SLC15A2: variants seen among roughly 807,000 people sequenced by gnomAD.
SLC15A2 encodes the protein kidney H(+)/peptide cotransporter.
SLC15A2 carries 77 observed loss-of-function variants against 95.5 expected under a neutral mutation model. The ratio of observed to expected loss-of-function variants is 0.81; its 90% CI spans 0.67 to 0.97. The LOEUF (loss-of-function observed/expected upper bound fraction) is 0.97, where lower values mean the gene tolerates loss of function less well. SLC15A2 is among the 50% of genes least tolerant of loss of function. The pLI is 0.00. For synonymous variants in SLC15A2, 306 were observed against 306.9 expected (o/e 1.00, Z 0.03); for missense variants, 893 against 874.4 (o/e 1.02, Z -0.27).
At chr3:121,894,898 CTG>C (rs950417215) in intron 1 of SLC15A2, among the ~76,000 whole-genome samples, 4 of 152,172 alleles carry the variant, frequency 2.6e-5, no homozygotes, top group African/African-American at 9.7e-5. Context: ...GTCTGAAGAA[CTG>C]TGTGTGATTG....
At chr3:121,926,436 T>C (rs2689287) in intron 13 of SLC15A2, among the ~76,000 whole-genome samples, 67,463 of 151,616 alleles carry the variant, frequency 0.44, 15,491 homozygotes, top group East Asian at 0.69. Flanking sequence ...ATGTGACATG[T>C]CTGTTTCTCC....
intron 3 of SLC15A2, among the ~76,000 whole-genome samples, chr3:121,903,985 T>C (rs927737168): frequency 1.3e-5 from 2 of 152,256 alleles, no homozygotes; most frequent in Non-Finnish European, 2.9e-5. Flanking sequence ...TCCATGAGCA[T>C]GGAATGTTCT....
chr3:121,915,802 T>C (rs1332533127), intron 7 of SLC15A2, 109 bp downstream of exon 7: 1 of 750,226 alleles, frequency 1.3e-6, no homozygotes, highest in Admixed American at 1.9e-5. Context: ...ACACCAGGCC[T>C]ATTGGGTAAC....
At position 121,928,416 on chromosome 3, in the gene SLC15A2, C is replaced by G; in HGVS notation, c.1207-5C>G. 1 of 1,612,762 alleles carries G rather than the reference C, an allele frequency of 6.2e-7. No individual in the cohort carries two copies. The highest frequency in any genetic ancestry group is 8.5e-7 in the Non-Finnish European group (1 of 1,179,424). On this transcript the variant is annotated splice_polypyrimidine_tract_variant and splice_region_variant and intron_variant, in intron 14 of 21. Transcript: ENST00000489711. ...GTGATTCTGACATGTGTTCTTTGCT[C>G]TAAGGAAATGGCCCCAGCCCAGCCA...
chr3:121,933,633 T>G (rs1468788233), intron 19 of SLC15A2, among the ~76,000 whole-genome samples: 4 of 150,948 alleles, frequency 2.6e-5, no homozygotes, highest in Admixed American at 2.0e-4. Context: ...TGTAAATTTG[T>G]TTGAGTTCAT....
In SLC15A2 at chr3:121,927,599, A is replaced by G. The variant is rs530621220; in HGVS notation, c.1125-159A>G. The G allele has an allele frequency of 4.3e-5, 25 of 577,262 alleles. No homozygotes were observed. The South Asian group carries it at 5.2e-4, about 12-fold the overall frequency. The allele number at this position is 577,262 out of a possible 1,614,324, so 35.8% of individuals were successfully genotyped here. A position where few individuals can be genotyped will look rare whatever the true frequency, so the allele number is the denominator to read the frequency against. On this transcript the variant is annotated intron_variant, in intron 13 of 21. Coordinates refer to ENST00000489711, the MANE Select transcript of SLC15A2 (RefSeq NM_021082.4). ...CTGTAAAGCTACAGAACCATAAGCC[A>G]ATTAAACTTCTTTTCTTTATAAATT...
intron 18 of SLC15A2, among the ~76,000 whole-genome samples, chr3:121,931,371 CTTAAG>C (rs1195046052): frequency 1.3e-5 from 2 of 152,182 alleles, no homozygotes; most frequent in South Asian, 2.1e-4. Context: ...TCACATGGTA[CTTAAG>C]TTAACAAAAG....
chr3:121,932,964 A>G (rs972859231), intron 19 of SLC15A2, among the ~76,000 whole-genome samples: 1 of 150,980 alleles, frequency 6.6e-6, no homozygotes, highest in Non-Finnish European at 1.5e-5. Flanking sequence ...TCCTGTGTCC[A>G]TGTGATCTCA....
In SLC15A2 at chr3:121,941,103, C is replaced by G. The variant is rs1465132599; in HGVS notation, c.*96C>G. 9.3e-7 allele frequency: 1 copy of G among 1,079,830 alleles called. No individual in the cohort carries two copies. Among genetic ancestry groups the G allele is most frequent in the Non-Finnish European group, 1.3e-6 (1 of 757,200 alleles). The allele number at this position is 1,079,830 out of a possible 1,614,324, so 66.9% of individuals were successfully genotyped here. A position where few individuals can be genotyped will look rare whatever the true frequency, so the allele number is the denominator to read the frequency against. ...TTAGACAAGAGAGATAGCAGCATAT[C>G]AGAGCTGATCTCCTCCACCTTTCTC... On this transcript the variant is annotated 3_prime_UTR_variant, in exon 22 of 22. Transcript: ENST00000489711.
chr3:121,905,141 G>A (rs967988533), intron 3 of SLC15A2, among the ~76,000 whole-genome samples: 1 of 152,184 alleles, frequency 6.6e-6, no homozygotes, highest in Non-Finnish European at 1.5e-5. Flanking sequence ...TTGCATAGAG[G>A]TGTTTATAGT....
chr3:121,911,168 C>G (rs1207471697), intron 3 of SLC15A2, among the ~76,000 whole-genome samples: 1 of 152,190 alleles, frequency 6.6e-6, no homozygotes, highest in Non-Finnish European at 1.5e-5. Flanking sequence ...GAGAAAAACA[C>G]CTAAGGTCCA....
Position 121,942,268 on chromosome 3 carries a change from A to G in SLC15A2, c.*1261A>G, listed in dbSNP as rs1393013447. 1 of 152,192 alleles carries G rather than the reference A, an allele frequency of 6.6e-6. No individual in the cohort carries two copies. The highest frequency in any genetic ancestry group is 2.4e-5 in the African/African-American group (1 of 41,440). 9.4% of individuals were successfully genotyped at this position (152,192 alleles called of 1,614,324 possible). A position where few individuals can be genotyped will look rare whatever the true frequency, so the allele number is the denominator to read the frequency against. The stretch of plus-strand genomic sequence containing the variant: ...TGGTCATGAAAAAAAATTGAGAAAC[A>G]TTACCTCATACACAATGAATGAATC... On this transcript the variant is annotated 3_prime_UTR_variant, in exon 22 of 22. Coordinates refer to ENST00000489711, the MANE Select transcript of SLC15A2 (RefSeq NM_021082.4).
chr3:121,907,572 T>G (rs1049100909), intron 3 of SLC15A2, among the ~76,000 whole-genome samples: 1 of 152,232 alleles, frequency 6.6e-6, no homozygotes, highest in Non-Finnish European at 1.5e-5. Flanking sequence ...TTGATGCTAT[T>G]TCTTCCTTTT....
chr3:121,906,584 C>T (rs942507857), intron 3 of SLC15A2, among the ~76,000 whole-genome samples: 4 of 152,194 alleles, frequency 2.6e-5, no homozygotes, highest in East Asian at 1.9e-4. Flanking sequence ...CATTTGCTTG[C>T]CTGTAAAGGA....
chr3:121,908,032 C>T (rs1261572446), intron 3 of SLC15A2, among the ~76,000 whole-genome samples: 4 of 152,246 alleles, frequency 2.6e-5, no homozygotes, highest in African/African-American at 9.6e-5. Flanking sequence ...GCAGTGGGCT[C>T]TGCCCAGTTC....
rs1219043021 is a variant in SLC15A2, at chr3:121,942,176, G to A, written c.*1169G>A. 1.3e-5 allele frequency: 2 copies of A among 152,198 alleles called. No individual in the cohort carries two copies. The highest frequency in any genetic ancestry group is 2.9e-5 in the Non-Finnish European group (2 of 68,034). 9.4% of individuals were successfully genotyped at this position (152,198 alleles called of 1,614,324 possible). On this transcript the variant is annotated 3_prime_UTR_variant, in exon 22 of 22. Coordinates refer to ENST00000489711, the MANE Select transcript of SLC15A2 (RefSeq NM_021082.4). ...TCAATAGAGGAGCATGGTCCTATGT[G>A]AGGTTCCTATCAAAATTTGTGGGAG...
intron 19 of SLC15A2, among the ~76,000 whole-genome samples, chr3:121,938,428 T>C (rs1710394263): frequency 6.6e-6 from 1 of 152,166 alleles, no homozygotes; most frequent in Admixed American, 6.5e-5. Context: ...TCCGTGGGCG[T>C]AGGACCCTCC....
At position 121,930,747 on chromosome 3, in the gene SLC15A2, G is replaced by A. The variant is rs987143845; in HGVS notation, c.1554-93G>A. 4.2e-6 allele frequency: 3 copies of A among 721,338 alleles called. No homozygotes were observed. In the African/African-American group the frequency reaches 5.3e-5, roughly 13 times the overall value. The allele number at this position is 721,338 out of a possible 1,614,324, so 44.7% of individuals were successfully genotyped here. ...ACTATCCTAGGCACCTGGGCACTGG[G>A]GATATAGTTATACCCAAAACATAAA... is the stretch of plus-strand genomic sequence containing the variant. On this transcript the variant is annotated intron_variant, in intron 17 of 21. Coordinates refer to ENST00000489711, the MANE Select transcript of SLC15A2 (RefSeq NM_021082.4).
chr3:121,899,630 CCAATT>C (rs921903175), intron 3 of SLC15A2, among the ~76,000 whole-genome samples: 1 of 151,958 alleles, frequency 6.6e-6, no homozygotes, highest in Non-Finnish European at 1.5e-5. Context: ...GCAATATAAT[CCAATT>C]CAATTTAATT....
Sources: allele counts gnomAD v4.1 joint callset (sites outside exome capture counted in the v4.1 genomes callset), GRCh38; gene constraint gnomAD v4.1.1; transcripts MANE v1.5; gene names NCBI Gene and HGNC (gene_info 2026-07-23, HGNC 2026-07-21).